The following SGCZ variants were observed in gnomAD, a reference collection of about 807,000 sequenced individuals.
SGCZ encodes the protein zeta-sarcoglycan.
In SGCZ, 40 loss-of-function variants were observed where a neutral mutation model predicts 41.3. That is an observed-to-expected ratio of 0.97 (90% confidence interval 0.75 to 1.26). The LOEUF is 1.26. SGCZ is among the 50% of genes most tolerant of loss of function. The pLI is 0.00. For synonymous variants in SGCZ, 206 were observed against 137.5 expected, an observed-to-expected ratio of 1.50 and a Z score of -3.49; for missense variants, 552 against 369.8, an observed-to-expected ratio of 1.49 and a Z score of -4.04.
intron 1 of SGCZ, among the ~76,000 whole-genome samples, chr8:14,605,346 C>A (rs1805715041): frequency 6.6e-6 from 1 of 151,850 alleles, no homozygotes; most frequent in Admixed American, 6.6e-5. Context: ...CAAAGTGTAG[C>A]AATCATATTA....
chr8:14,270,315 G>A (rs886352502), intron 3 of SGCZ, among the ~76,000 whole-genome samples: 1 of 151,942 alleles, frequency 6.6e-6, no homozygotes, highest in African/African-American at 2.4e-5. Context: ...CTGGGTAACA[G>A]AGTAAAACTC....
chr8:14,825,079 T>G (rs1802253623), intron 1 of SGCZ, among the ~76,000 whole-genome samples: 1 of 152,160 alleles, frequency 6.6e-6, no homozygotes, highest in Non-Finnish European at 1.5e-5. Flanking sequence ...TTAATATCAG[T>G]TATTGTCATC....
At chr8:15,036,543 A>G (rs988108902) in intron 1 of SGCZ, among the ~76,000 whole-genome samples, 6 of 152,116 alleles carry the variant, frequency 3.9e-5, no homozygotes, top group Non-Finnish European at 5.9e-5. Flanking sequence ...CATGTCCTAC[A>G]CGTGTACCCC....
chr8:14,109,579 A>AAAAC (rs1481673174), intron 5 of SGCZ, among the ~76,000 whole-genome samples: 5 of 152,218 alleles, frequency 3.3e-5, no homozygotes, highest in African/African-American at 1.2e-4. Flanking sequence ...TGAAGCATAC[A>AAAAC]AAACAAATCT....
At chr8:15,158,612 T>C (rs1799406496) in intron 1 of SGCZ, among the ~76,000 whole-genome samples, 1 of 152,238 alleles carries the variant, frequency 6.6e-6, no homozygotes, top group African/African-American at 2.4e-5. Context: ...TATTTAGAAA[T>C]TCATTTGGAA....
intron 2 of SGCZ, among the ~76,000 whole-genome samples, chr8:14,439,644 A>G (rs1800191184): frequency 6.6e-6 from 1 of 151,966 alleles, no homozygotes; most frequent in Non-Finnish European, 1.5e-5. Flanking sequence ...ATCAATCAAT[A>G]TAATCCGTAG....
chr8:14,587,882 G>A (rs952549978), intron 1 of SGCZ, among the ~76,000 whole-genome samples: 5 of 152,068 alleles, frequency 3.3e-5, no homozygotes, highest in African/African-American at 1.2e-4. Flanking sequence ...ATTATAAACT[G>A]AGTTTTTGGG....
intron 4 of SGCZ, among the ~76,000 whole-genome samples, chr8:14,204,118 G>T (rs192195550): frequency 2.0e-5 from 3 of 151,976 alleles, no homozygotes; most frequent in Non-Finnish European, 4.4e-5. Flanking sequence ...GATTGGTTTC[G>T]GACCGTCTTC....
At chr8:14,765,836 G>A (rs542540662) in intron 1 of SGCZ, among the ~76,000 whole-genome samples, 6 of 152,100 alleles carry the variant, frequency 3.9e-5, no homozygotes, top group East Asian at 3.9e-4. Flanking sequence ...AAGTTAAATC[G>A]TAGTAAAAAA....
chr8:14,992,146 C>T (rs1802035464), intron 1 of SGCZ, among the ~76,000 whole-genome samples: 1 of 150,358 alleles, frequency 6.7e-6, no homozygotes, highest in Non-Finnish European at 1.5e-5. Context: ...TGATGTTTAC[C>T]TCTCCCCCAT....
Position 14,929,283 on chromosome 8 carries a change from G to T in SGCZ, c.39+308302C>A, listed in dbSNP as rs139985211. ...TGGGATTACAGGCGTGAACCACTGC[G>T]CCTGGCCAATGACTGCATTTTTAAA... On this transcript the variant is annotated intron_variant, in intron 1 of 7. Coordinates refer to ENST00000382080, the MANE Select transcript of SGCZ (RefSeq NM_139167.4). 3.3e-5 allele frequency among the ~76,000 whole-genome samples: 5 copies of T among 152,262 alleles called. No individual in the cohort carries two copies. In the East Asian group the frequency reaches 7.7e-4, roughly 24 times the overall value.
At chr8:15,004,509 G>GA (rs776422391) in intron 1 of SGCZ, among the ~76,000 whole-genome samples, 26 of 152,248 alleles carry the variant, frequency 1.7e-4, no homozygotes, top group African/African-American at 3.9e-4. Flanking sequence ...GGAATTTCAA[G>GA]AAAAAATCTG....
At chr8:14,241,457 T>C (rs1428549037) in intron 3 of SGCZ, among the ~76,000 whole-genome samples, 1 of 148,274 alleles carries the variant, frequency 6.7e-6, no homozygotes, top group Non-Finnish European at 1.5e-5. Flanking sequence ...AAACAATATA[T>C]AATAATATAT....
intron 2 of SGCZ, among the ~76,000 whole-genome samples, chr8:14,445,443 G>C (rs1800403145): frequency 6.6e-6 from 1 of 152,132 alleles, no homozygotes; most frequent in Non-Finnish European, 1.5e-5. Flanking sequence ...GAGACACCTG[G>C]ACTCTGGGGA....
intron 2 of SGCZ, among the ~76,000 whole-genome samples, chr8:14,409,407 A>C (rs1301794046): frequency 6.6e-6 from 1 of 152,140 alleles, no homozygotes; most frequent in East Asian, 1.9e-4. Flanking sequence ...TCATTAAGTA[A>C]ATATTTCAAT....
At chr8:14,740,982 G>A (rs2130278456) in intron 1 of SGCZ, among the ~76,000 whole-genome samples, 1 of 152,080 alleles carries the variant, frequency 6.6e-6, no homozygotes, top group Admixed American at 6.6e-5. Context: ...AGCATAATCT[G>A]CCATTAAAAA....
At chr8:14,726,341 T>TATATAA (rs1426005706) in intron 1 of SGCZ, among the ~76,000 whole-genome samples, 2 of 144,524 alleles carry the variant, frequency 1.4e-5, no homozygotes, top group South Asian at 4.3e-4. Context: ...TATATATATA[T>TATATAA]AAAATTAGAT....
At chr8:14,759,319 T>C (rs1799782379) in intron 1 of SGCZ, among the ~76,000 whole-genome samples, 1 of 147,362 alleles carries the variant, frequency 6.8e-6, no homozygotes, top group Non-Finnish European at 1.5e-5. Context: ...TTTTATCTGA[T>C]TTTTTAAAAA....
At chr8:15,089,099 A>G (rs572861674) in intron 1 of SGCZ, among the ~76,000 whole-genome samples, 10 of 152,292 alleles carry the variant, frequency 6.6e-5, no homozygotes, top group Middle Eastern at 6.8e-3. Context: ...GTCTAACGTT[A>G]AAATGTTGGT....
Sources: gnomAD v4.1 joint callset for allele counts (sites outside exome capture counted in the v4.1 genomes callset) on GRCh38, gnomAD v4.1.1 for gene constraint, MANE v1.5 for transcripts, NCBI Gene and HGNC (gene_info 2026-07-23, HGNC 2026-07-21) for gene names.